Variants in DSE observed in about 807,000 individuals in gnomAD.
The protein encoded by DSE is dermatan-sulfate epimerase.
A neutral mutation model predicts 84.4 loss-of-function variants in DSE; 36 were observed. That is an observed-to-expected ratio of 0.43 (90% CI 0.33 to 0.56). The LOEUF (loss-of-function observed/expected upper bound fraction) is 0.56, where lower values mean the gene tolerates loss of function less well. Among genes scored for constraint, DSE ranks in the 20% least tolerant of loss-of-function variants. DSE has a pLI of 0.06. For missense variants in DSE, 862 were observed against 1,169.6 expected (o/e 0.74, Z 3.84); for synonymous variants, 410 against 430.1 (o/e 0.95, Z 0.58).
At chr6:116,342,011 A>G (rs1266098128) in intron 2 of DSE, among the ~76,000 whole-genome samples, 1 of 152,122 alleles carries the variant, frequency 6.6e-6, no homozygotes, top group Admixed American at 6.6e-5. Context: ...TTTTTAAAAC[A>G]TGGTTTATTT....
intron 2 of DSE, among the ~76,000 whole-genome samples, chr6:116,420,197 T>G (rs2092673902): frequency 6.6e-6 from 1 of 152,204 alleles, no homozygotes; most frequent in African/African-American, 2.4e-5. Context: ...AATTTCTTTT[T>G]ATTGTAAGTG....
chr6:116,436,203 C>T lies in DSE; in HGVS notation c.1735C>T (p.Pro579Ser). 6.2e-7 allele frequency: 1 copy of T among 1,613,928 alleles called. No individual in the cohort carries two copies. Among genetic ancestry groups the T allele is most frequent in the Middle Eastern group, 1.7e-4 (1 of 5,918 alleles). Reference protein sequence around the residue: ...VDQIHLGEESPLETAASFFHN... With the variant: ...VDQIHLGEESSLETAASFFHN... Reference sequence around the variant, plus strand: ...CCAAATACACCTGGGAGAGGAGAGTCCCTTGGAGACAGCAGCGAGCTTCTT... The same window carrying T: ...CCAAATACACCTGGGAGAGGAGAGTTCCTTGGAGACAGCAGCGAGCTTCTT... Residue 579 changes from proline to serine, a missense_variant, in exon 6 of 6, where the codon CCC (proline) becomes TCC (serine). Pro to Ser is a moderately conservative substitution (Grantham distance 74, BLOSUM62 -1). This residue lies in a region of DSE where 186 missense variants were observed against 255.1 expected (regional missense o/e 0.73). Transcript: ENST00000644252.
intron 2 of DSE, among the ~76,000 whole-genome samples, chr6:116,420,877 T>TTA (rs1783029574): frequency 2.6e-5 from 4 of 152,208 alleles, no homozygotes; most frequent in African/African-American, 4.8e-5. Context: ...TTTAATCAAA[T>TTA]AAACTGTCAC....
intron 1 of DSE, among the ~76,000 whole-genome samples, chr6:116,392,719 C>A (rs1780987106): frequency 6.6e-6 from 1 of 152,190 alleles, no homozygotes; most frequent in Non-Finnish European, 1.5e-5. Flanking sequence ...AAGTTCAGGG[C>A]CTTTCCCATT....
chr6:116,438,067 A>G lies in DSE; in HGVS notation c.*722A>G, dbSNP rs1784289674. 1 of 68,610 alleles carries G rather than the reference A, an allele frequency of 1.5e-5. No individual in the cohort carries two copies. The highest frequency in any genetic ancestry group is 3.1e-5 in the Non-Finnish European group (1 of 31,942). 4.3% of individuals were successfully genotyped at this position (68,610 alleles called of 1,614,324 possible). On this transcript the variant is annotated 3_prime_UTR_variant, in exon 6 of 6. Transcript: ENST00000644252. Reference sequence around the variant, plus strand: ...ATTCATTGGTTGTTCAATAAGTGAGATGATTACAGATAATACTGTATTTTC... The same window carrying G: ...ATTCATTGGTTGTTCAATAAGTGAGGTGATTACAGATAATACTGTATTTTC...
At chr6:116,409,161 T>C (rs922040537) in intron 2 of DSE, among the ~76,000 whole-genome samples, 4 of 152,268 alleles carry the variant, frequency 2.6e-5, no homozygotes, top group African/African-American at 9.6e-5. Flanking sequence ...ATTATTGTTA[T>C]CTTTATTACT....
At chr6:116,328,876 CCCCTAG>C (rs573526567) in intron 2 of DSE, among the ~76,000 whole-genome samples, 1,923 of 152,150 alleles carry the variant, frequency 0.013, 46 homozygotes, top group African/African-American at 0.044. Context: ...GAGTAGTTCA[CCCCTAG>C]TACAGGCAAT....
intron 2 of DSE, among the ~76,000 whole-genome samples, chr6:116,300,529 G>C (rs1043939772): frequency 6.6e-6 from 1 of 152,206 alleles, no homozygotes; most frequent in Non-Finnish European, 1.5e-5. Context: ...GTAATGGCTT[G>C]ATGTGCTTCA....
intron 2 of DSE, among the ~76,000 whole-genome samples, chr6:116,289,221 G>A (rs572180197): frequency 6.6e-6 from 1 of 151,886 alleles, no homozygotes; most frequent in Non-Finnish European, 1.5e-5. Flanking sequence ...TGTATTTTTA[G>A]TAAGGTAAAA....
At chr6:116,344,112 C>T (rs1319539596) in intron 2 of DSE, among the ~76,000 whole-genome samples, 1 of 152,156 alleles carries the variant, frequency 6.6e-6, no homozygotes, top group Non-Finnish European at 1.5e-5. Context: ...CGAACAAAGC[C>T]TCCAAGAAAT....
intron 2 of DSE, among the ~76,000 whole-genome samples, chr6:116,420,703 A>G (rs764102380): frequency 6.6e-6 from 1 of 152,226 alleles, no homozygotes; most frequent in African/African-American, 2.4e-5. Context: ...TGAACCTTGC[A>G]ATGTTAAATT....
chr6:116,415,603 T>C (rs1301979294), intron 2 of DSE, among the ~76,000 whole-genome samples: 2 of 151,762 alleles, frequency 1.3e-5, no homozygotes, highest in Non-Finnish European at 2.9e-5. Context: ...AGTCCTCTTT[T>C]TTTTTTTTCC....
At chr6:116,279,448 CCACCCTGAA>C in intron 2 of DSE, 2 of 1,613,428 alleles carry the variant, frequency 1.2e-6, no homozygotes, top group Non-Finnish European at 1.7e-6. Context: ...GGCCTTCTCT[CCACCCTGAA>C]CGCCCTTTTT....
upstream of DSE, chr6:116,370,209 A>G: frequency 4.0e-6 from 1 of 250,664 alleles, no homozygotes; most frequent in South Asian, 4.5e-5. Context: ...ACACACACAC[A>G]CCCCCCCACC....
At chr6:116,372,810 C>G (rs1779687290) in intron 1 of DSE, among the ~76,000 whole-genome samples, 1 of 152,142 alleles carries the variant, frequency 6.6e-6, no homozygotes, top group Non-Finnish European at 1.5e-5. Context: ...TGCTGGTTAC[C>G]TAGGTTACAT....
rs1046165823 is a variant in DSE, at chr6:116,443,140, A to G, written c.*5795A>G. The G allele has an allele frequency of 2.0e-5, 3 of 152,276 alleles. No individual in the cohort carries two copies. The highest frequency in any genetic ancestry group is 4.4e-5 in the Non-Finnish European group (3 of 68,054). 9.4% of individuals were successfully genotyped at this position (152,276 alleles called of 1,614,324 possible). ...AGGAGACCATTTCCATAGTCTGGGT[A>G]GAAGACAATTAGCTCCTTGAATAAG... On this transcript the variant is annotated 3_prime_UTR_variant, in exon 6 of 6. Transcript: ENST00000644252.
chr6:116,437,064 A>G lies in DSE; in HGVS notation c.2596A>G (p.Thr866Ala). The G allele has an allele frequency of 6.2e-7, 1 of 1,614,062 alleles. No individual in the cohort carries two copies. Among genetic ancestry groups the G allele is most frequent in the Non-Finnish European group, 8.5e-7 (1 of 1,180,002 alleles). The change falls in exon 6 of 6, where the codon ACA becomes GCA. Residue 866 changes from threonine to alanine, a missense_variant. Thr to Ala is a moderately conservative substitution (Grantham distance 58, BLOSUM62 0). Transcript: ENST00000644252. ...MKDLLDFADV[T>A]YEKHKNGGLI... Reference sequence around the variant, plus strand: ...AGACCTTTTAGATTTTGCAGATGTAACATACGAGAAACATAAAAATGGGGG... The same window carrying G: ...AGACCTTTTAGATTTTGCAGATGTAGCATACGAGAAACATAAAAATGGGGG...
intron 2 of DSE, among the ~76,000 whole-genome samples, chr6:116,268,993 A>ATGAT (rs1203724633): frequency 1.3e-5 from 2 of 151,080 alleles, no homozygotes; most frequent in Non-Finnish European, 2.9e-5. Context: ...TTATCTAGTT[A>ATGAT]TGATCACTGC....
chr6:116,325,712 C>T (rs1353960342), intron 2 of DSE, among the ~76,000 whole-genome samples: 1 of 152,150 alleles, frequency 6.6e-6, no homozygotes, highest in Non-Finnish European at 1.5e-5. Flanking sequence ...TGCTATCTGA[C>T]TTATAGCAAG....
Sources: gnomAD v4.1 joint callset for allele counts (sites outside exome capture counted in the v4.1 genomes callset) on GRCh38, gnomAD v4.1.1 for gene constraint, gnomAD v4.1.1 regional missense constraint, MANE v1.5 for transcripts, NCBI Gene and HGNC (gene_info 2026-07-23, HGNC 2026-07-21) for gene names.